Variants in AS3MT observed in about 807,000 individuals in gnomAD.
AS3MT encodes the protein arsenite methyltransferase.
In AS3MT, 47 loss-of-function variants were observed where a neutral mutation model predicts 45.3. The observed-to-expected ratio is 1.04, with a 90% CI of 0.82 to 1.32. The LOEUF (loss-of-function observed/expected upper bound fraction) is 1.32, where lower values mean the gene tolerates loss of function less well. Among genes scored for constraint, AS3MT ranks in the 40% most tolerant of loss-of-function variants. AS3MT has a pLI of 0.00. For synonymous variants in AS3MT, 141 were observed against 152.8 expected, an observed-to-expected ratio of 0.92 and a Z score of 0.57; for missense variants, 396 against 451.1, an observed-to-expected ratio of 0.88 and a Z score of 1.11.
intron 10 of AS3MT, among the ~76,000 whole-genome samples, chr10:102,897,259 C>T (rs1370582210): frequency 6.6e-6 from 1 of 151,396 alleles, no homozygotes; most frequent in Non-Finnish European, 1.5e-5. Context: ...TGGCGGGTGC[C>T]TGTAGTCCCA....
chr10:102,894,671 T>C (rs1313016937), intron 10 of AS3MT, among the ~76,000 whole-genome samples: 3 of 152,164 alleles, frequency 2.0e-5, no homozygotes, highest in Non-Finnish European at 2.9e-5. Context: ...TCTTTAAATC[T>C]GGTAAGAAAC....
chr10:102,887,132 A>G (rs1844971386), intron 9 of AS3MT, among the ~76,000 whole-genome samples: 3 of 151,946 alleles, frequency 2.0e-5, no homozygotes, highest in African/African-American at 7.3e-5. Context: ...GTGTTTGTGT[A>G]TTTTCCAAGG....
rs1216730638 is a variant in AS3MT at position 102,869,793 on chromosome 10, C to T, written c.2-12C>T. 2 of 1,614,034 alleles carry T rather than the reference C, an allele frequency of 1.2e-6. No individual in the cohort carries two copies. Among genetic ancestry groups the T allele is most frequent in the South Asian group, 1.1e-5 (1 of 91,086 alleles). On this transcript the variant is annotated splice_polypyrimidine_tract_variant and intron_variant, in intron 1 of 10. Coordinates refer to ENST00000369880, the MANE Select transcript of AS3MT (RefSeq NM_020682.4). ...ACCCTCTCCTTTCAACTAACTTTCC[C>T]GCTCCCGACAGTGGCTGCACTTCGT... is the stretch of plus-strand genomic sequence containing the variant.
intron 10 of AS3MT, among the ~76,000 whole-genome samples, chr10:102,893,596 A>G (rs1845112487): frequency 3.3e-5 from 5 of 151,338 alleles, no homozygotes; most frequent in Admixed American, 3.3e-4. Flanking sequence ...CCCAAGTTCA[A>G]GCGATTCTTC....
At chr10:102,892,286 C>A (rs1409302248) in intron 10 of AS3MT, among the ~76,000 whole-genome samples, 2 of 152,198 alleles carry the variant, frequency 1.3e-5, no homozygotes, top group East Asian at 3.9e-4. Flanking sequence ...TAGAGAATCC[C>A]CCGTTTGGAA....
At position 102,881,754 on chromosome 10, in the gene AS3MT, G is replaced by A. The variant is rs11191440; in HGVS notation, c.885+2763G>A. ...CTGATTTATTTATTTATCTATTTTA[G>A]AGACAAAGTCTCTCTCTGTCACCCA... On this transcript the variant is annotated intron_variant, in intron 9 of 10. Coordinates refer to ENST00000369880, the MANE Select transcript of AS3MT (RefSeq NM_020682.4). The surrounding 1 kb of genome is among the most constrained non-coding windows in gnomAD (Gnocchi z 4.2). 0.25 allele frequency among the ~76,000 whole-genome samples: 37,542 copies of A among 151,778 alleles called. 4,771 individuals are homozygous for A. The highest frequency in any genetic ancestry group is 0.31 in the Middle Eastern group (92 of 294).
Position 102,870,147 on chromosome 10 carries a change from G to T in AS3MT, c.106G>T (p.Ala36Ser), listed in dbSNP as rs1844653965. ...DLQTNGCVTT[A>S]RPVPKHIREA... ...CCAGACCAACGGCTGTGTCACCACA[G>T]CCAGGCCGGTCCCCAAGCACATCCG... The change falls in exon 3 of 11, where the codon GCC (alanine) becomes TCC (serine). Residue 36 changes from alanine to serine, a missense_variant. By Grantham distance (99) the Ala-to-Ser change is moderately conservative. Transcript: ENST00000369880. 1 of 1,614,068 alleles carries T rather than the reference G, an allele frequency of 6.2e-7. No homozygotes were observed. Among genetic ancestry groups the T allele is most frequent in the South Asian group, 1.1e-5 (1 of 91,090 alleles).
intron 10 of AS3MT, among the ~76,000 whole-genome samples, chr10:102,895,496 C>T (rs775247498): frequency 5.3e-5 from 8 of 152,078 alleles, no homozygotes; most frequent in Non-Finnish European, 5.9e-5. Flanking sequence ...CTACCACGCC[C>T]GGGTCTTTCT....
In AS3MT at chr10:102,871,727, C is replaced by CAAACAAAACAAAACAAAACAAAACA. The variant is rs139792328; in HGVS notation, c.171-713_171-689dup. ...TGGGCGACAGAGCGAGACTCCGTCTCAAACAAAACAAAACAAAACAAAACA... is the reference window on the plus strand; with the variant it reads ...TGGGCGACAGAGCGAGACTCCGTCTCAAACAAAACAAAACAAAACAAAACAAAACAAAACAAAACAAAACAAAACA... On this transcript the variant is annotated intron_variant, in intron 3 of 10. Transcript: ENST00000369880. Among the ~76,000 whole-genome samples the CAAACAAAACAAAACAAAACAAAACA allele has an allele frequency of 3.0e-4, 44 of 148,222 alleles. No individual in the cohort carries two copies. In the East Asian group the frequency reaches 5.5e-3, roughly 19 times the overall value.
intron 9 of AS3MT, among the ~76,000 whole-genome samples, chr10:102,890,010 T>TTTTG: frequency 6.7e-6 from 1 of 148,576 alleles, no homozygotes; most frequent in Non-Finnish European, 1.5e-5. Flanking sequence ...TTTTTTTTTT[T>TTTTG]GAGACGGAGT....
chr10:102,874,196 T>C (rs1354021214), intron 5 of AS3MT, among the ~76,000 whole-genome samples: 2 of 150,812 alleles, frequency 1.3e-5, no homozygotes, highest in African/African-American at 2.4e-5. Flanking sequence ...GAGGTTGCAA[T>C]GAGCCGAGAT....
rs1230437785 is a variant in AS3MT, at chr10:102,874,663, T to TGA, written c.528+4_528+5dup. On this transcript the variant is annotated splice_region_variant and intron_variant, in intron 6 of 10. Transcript: ENST00000369880. ...CAGGAGGCATATCGGGTGCTGAAGG[T>TGA]GAGGAGGAGAGTGAGATAAATTATC... 1 of 1,602,664 alleles carries TGA rather than the reference T, an allele frequency of 6.2e-7. No individual in the cohort carries two copies. The highest frequency in any genetic ancestry group is 2.2e-5 in the East Asian group (1 of 44,546).
intron 7 of AS3MT, among the ~76,000 whole-genome samples, chr10:102,877,515 A>G (rs1844800424): frequency 6.7e-6 from 1 of 149,714 alleles, no homozygotes; most frequent in South Asian, 2.1e-4. Context: ...CTTTATTCTT[A>G]CTATGTAATA....
At chr10:102,869,907 G>C in intron 2 of AS3MT, 62 bp downstream of exon 2, 1 of 1,602,984 alleles carries the variant, frequency 6.2e-7, no homozygotes, top group South Asian at 1.1e-5. Context: ...GTCTGGCCTG[G>C]CCCGCACCCT....
chr10:102,897,988 A>G (rs553244511), intron 10 of AS3MT, among the ~76,000 whole-genome samples: 13 of 152,280 alleles, frequency 8.5e-5, no homozygotes, highest in African/African-American at 1.7e-4. Context: ...AGATGTGCCA[A>G]TGTCTTTAGG....
intron 9 of AS3MT, among the ~76,000 whole-genome samples, chr10:102,889,828 G>A (rs1845038617): frequency 6.6e-6 from 1 of 150,638 alleles, no homozygotes; most frequent in Non-Finnish European, 1.5e-5. Flanking sequence ...GGCATGTGCC[G>A]CCATACCCAG....
chr10:102,895,793 G>A (rs1366410472), intron 10 of AS3MT, among the ~76,000 whole-genome samples: 1 of 135,548 alleles, frequency 7.4e-6, no homozygotes, highest in Admixed American at 7.4e-5. Context: ...TTTTTTTTTT[G>A]AGACAGAGCT....
chr10:102,873,091 C>A lies in AS3MT; in HGVS notation c.322-6C>A. 1 of 1,560,958 alleles carries A rather than the reference C, an allele frequency of 6.4e-7. No homozygotes were observed. The highest frequency in any genetic ancestry group is 8.6e-7 in the Non-Finnish European group (1 of 1,161,676). The stretch of plus-strand genomic sequence containing the variant: ...TGTTATCAAAACTATATTTTTCTTA[C>A]TTTAGGTGGAAGTGGCTGAAAAGTA... On this transcript the variant is annotated splice_polypyrimidine_tract_variant and splice_region_variant and intron_variant, in intron 4 of 10. Transcript: ENST00000369880.
At chr10:102,869,924 C>T in intron 2 of AS3MT, 79 bp downstream of exon 2, 2 of 1,590,992 alleles carry the variant, frequency 1.3e-6, no homozygotes, top group South Asian at 1.1e-5. Context: ...CCCTGTCCCC[C>T]GGGACTCCTG....
Sources: gnomAD v4.1 joint callset for allele counts (sites outside exome capture counted in the v4.1 genomes callset) on GRCh38, gnomAD v4.1.1 for gene constraint, Gnocchi (gnomAD v3.1) non-coding constraint, MANE v1.5 for transcripts, NCBI Gene and HGNC (gene_info 2026-07-23, HGNC 2026-07-21) for gene names.